Variants in FGD4 observed in about 807,000 individuals in gnomAD.
FGD4 encodes FYVE, RhoGEF and PH domain containing 4.
In FGD4, 42 loss-of-function variants were observed where a neutral mutation model predicts 102.0. The ratio of observed to expected loss-of-function variants is 0.41; its 90% CI spans 0.32 to 0.53. FGD4 has a LOEUF of 0.53. FGD4 is among the 20% of genes least tolerant of loss of function. The probability of loss-of-function intolerance (pLI) is 0.21; values close to 1 mark genes in which losing one functional copy is unlikely to be tolerated. For missense variants in FGD4, 902 were observed against 1,078.2 expected (o/e 0.84, Z 2.29); for synonymous variants, 380 against 375.7 (o/e 1.01, Z -0.13).
chr12:32,566,596 G>A (rs1425913841), intron 2 of FGD4, among the ~76,000 whole-genome samples: 3 of 152,142 alleles, frequency 2.0e-5, no homozygotes, highest in Non-Finnish European at 4.4e-5. Context: ...AGGGACCAAC[G>A]TCCCTGAAAC....
intron 1 of FGD4, among the ~76,000 whole-genome samples, chr12:32,415,101 CTT>C (rs1455966852): frequency 1.3e-5 from 2 of 152,032 alleles, no homozygotes; most frequent in Non-Finnish European, 2.9e-5. Context: ...CAAAATTCCT[CTT>C]GTTATTTATT....
At chr12:32,491,373 TTGTCTTA>T (rs1944088280) in intron 1 of FGD4, among the ~76,000 whole-genome samples, 1 of 152,180 alleles carries the variant, frequency 6.6e-6, no homozygotes, top group Non-Finnish European at 1.5e-5. Context: ...TTGACAATCA[TTGTCTTA>T]GGCTTCTGAG....
chr12:32,499,221 C>A (rs1938013936), intron 1 of FGD4, among the ~76,000 whole-genome samples: 1 of 152,220 alleles, frequency 6.6e-6, no homozygotes, highest in South Asian at 2.1e-4. Context: ...GATAAATTAT[C>A]AGGCTCCTGC....
chr12:32,449,170 C>G (rs367879298), intron 1 of FGD4, among the ~76,000 whole-genome samples: 1 of 152,144 alleles, frequency 6.6e-6, no homozygotes, highest in African/African-American at 2.4e-5. Flanking sequence ...ACTGCCCCAT[C>G]ATTTCTGTAT....
At chr12:32,586,596 T>A (rs1393503371) in intron 4 of FGD4, among the ~76,000 whole-genome samples, 1 of 152,060 alleles carries the variant, frequency 6.6e-6, no homozygotes, top group Non-Finnish European at 1.5e-5. Context: ...ATGAGTCAGA[T>A]GAAAGGGAAA....
rs373419581 is a variant in FGD4, at chr12:32,642,740, T to C, written c.*2207T>C. 2.0e-5 allele frequency: 3 copies of C among 152,118 alleles called. No homozygotes were observed. Among genetic ancestry groups the C allele is most frequent in the East Asian group, 3.8e-4 (2 of 5,196 alleles). 9.4% of individuals were successfully genotyped at this position (152,118 alleles called of 1,614,324 possible). Reference sequence around the variant, plus strand: ...CTGGTTATCCGGTCACCATATTCACTTTCCACCCCACATTCTTCAGCTAAA... The same window carrying C: ...CTGGTTATCCGGTCACCATATTCACCTTCCACCCCACATTCTTCAGCTAAA... On this transcript the variant is annotated 3_prime_UTR_variant, in exon 17 of 17. Coordinates refer to ENST00000534526, the MANE Select transcript of FGD4 (RefSeq NM_001370298.3).
At chr12:32,586,469 A>G (rs959911560) in intron 4 of FGD4, among the ~76,000 whole-genome samples, 1 of 152,218 alleles carries the variant, frequency 6.6e-6, no homozygotes, top group African/African-American at 2.4e-5. Flanking sequence ...TTGTTGGGTT[A>G]TACATAGGTA....
intron 1 of FGD4, among the ~76,000 whole-genome samples, chr12:32,419,559 C>A (rs558160001): frequency 6.6e-6 from 1 of 151,682 alleles, no homozygotes; most frequent in African/African-American, 2.4e-5. Flanking sequence ...CTCCCTTAGT[C>A]ACCCTGGCTG....
At chr12:32,578,237 G>A (rs939359683) in intron 3 of FGD4, among the ~76,000 whole-genome samples, 3 of 152,002 alleles carry the variant, frequency 2.0e-5, no homozygotes, top group African/African-American at 7.3e-5. Context: ...GTCCACTGCC[G>A]ATACAAAAAA....
chr12:32,565,364 C>A (rs1227380538), intron 2 of FGD4, among the ~76,000 whole-genome samples: 1 of 152,208 alleles, frequency 6.6e-6, no homozygotes, highest in African/African-American at 2.4e-5. Context: ...GTAGCCTATT[C>A]ATGAGCTTAC....
At chr12:32,403,467 C>T (rs1940775954) in intron 1 of FGD4, among the ~76,000 whole-genome samples, 1 of 152,140 alleles carries the variant, frequency 6.6e-6, no homozygotes, top group South Asian at 2.1e-4. Flanking sequence ...TCGGTGCACT[C>T]CTATAGTCTC....
chr12:32,495,695 C>CA (rs766436638), intron 1 of FGD4, among the ~76,000 whole-genome samples: 766 of 76,054 alleles, frequency 0.01, 19 homozygotes, highest in African/African-American at 0.021. Context: ...GACTCTGTTT[C>CA]AAAAAAAAAA....
At chr12:32,443,667 A>G (rs550972843) in intron 1 of FGD4, among the ~76,000 whole-genome samples, 127 of 151,522 alleles carry the variant, frequency 8.4e-4, no homozygotes, top group Non-Finnish European at 1.3e-3. Flanking sequence ...CTGGGACTAC[A>G]GGAATGCAGC....
At chr12:32,527,266 C>T (rs775186995) in intron 1 of FGD4, among the ~76,000 whole-genome samples, 11 of 152,164 alleles carry the variant, frequency 7.2e-5, no homozygotes, top group African/African-American at 1.2e-4. Context: ...TGTTTAATGT[C>T]AGGCTGATCT....
intron 1 of FGD4, among the ~76,000 whole-genome samples, chr12:32,475,406 T>C (rs7969497): frequency 0.56 from 85,139 of 152,090 alleles, 26,275 homozygotes; most frequent in East Asian, 0.73. Context: ...TTACCTTGGA[T>C]GCCTTTGTAT....
At chr12:32,545,229 A>G (rs1490958980) in intron 1 of FGD4, among the ~76,000 whole-genome samples, 2 of 152,200 alleles carry the variant, frequency 1.3e-5, no homozygotes, top group Admixed American at 1.3e-4. Flanking sequence ...ATACCATATA[A>G]CACTGTGAAT....
intron 1 of FGD4, among the ~76,000 whole-genome samples, chr12:32,460,102 C>T (rs973399856): frequency 2.0e-5 from 3 of 152,180 alleles, no homozygotes; most frequent in Admixed American, 6.5e-5. Flanking sequence ...TTTACATCCA[C>T]TGTTATTATG....
chr12:32,460,632 G>A (rs138814432), intron 1 of FGD4, among the ~76,000 whole-genome samples: 23 of 152,318 alleles, frequency 1.5e-4, no homozygotes, highest in Admixed American at 8.5e-4. Flanking sequence ...TGGATTGCAT[G>A]ATGAAAACTT....
chr12:32,504,416 A>C (rs1938507005), intron 1 of FGD4, among the ~76,000 whole-genome samples: 1 of 152,210 alleles, frequency 6.6e-6, no homozygotes, highest in Non-Finnish European at 1.5e-5. Context: ...CACTGTCAGC[A>C]GTGAGACCTG....
Sources: gnomAD v4.1 joint callset for allele counts (sites outside exome capture counted in the v4.1 genomes callset) on GRCh38, gnomAD v4.1.1 for gene constraint, MANE v1.5 for transcripts, NCBI Gene and HGNC (gene_info 2026-07-23, HGNC 2026-07-21) for gene names.